Variants in EEPD1 observed in about 807,000 individuals in gnomAD.
The protein encoded by EEPD1 is endonuclease/exonuclease/phosphatase family domain-containing protein 1.
In EEPD1, 17 loss-of-function variants were observed where a neutral mutation model predicts 46.3. The observed-to-expected ratio is 0.37, with a 90% CI of 0.25 to 0.55. EEPD1 has a LOEUF of 0.55. EEPD1 is among the 20% of genes least tolerant of loss of function. The pLI, the probability that EEPD1 is intolerant of heterozygous loss-of-function variation, is 0.83. For missense variants in EEPD1, 673 were observed against 745.6 expected, an observed-to-expected ratio of 0.90 and a Z score of 1.13; for synonymous variants, 313 against 315.6, an observed-to-expected ratio of 0.99 and a Z score of 0.09.
chr7:36,175,452 A>T (rs748875096), intron 2 of EEPD1, among the ~76,000 whole-genome samples: 1 of 151,942 alleles, frequency 6.6e-6, no homozygotes, highest in Non-Finnish European at 1.5e-5. Flanking sequence ...GGCTGGTCTC[A>T]AACTCCTGGG....
intron 2 of EEPD1, among the ~76,000 whole-genome samples, chr7:36,205,098 T>C (rs1200054455): frequency 6.6e-6 from 1 of 152,192 alleles, no homozygotes; most frequent in Non-Finnish European, 1.5e-5. Flanking sequence ...CGCTGACTTT[T>C]AGCAGGGAAG....
At chr7:36,286,965 A>G (rs196592) in intron 5 of EEPD1, among the ~76,000 whole-genome samples, 11,194 of 152,132 alleles carry the variant, frequency 0.074, 576 homozygotes, top group Non-Finnish European at 0.11. Flanking sequence ...GCTCATGCCT[A>G]TAATCCCAGA....
At chr7:36,295,519 T>C (rs1055687361) in intron 6 of EEPD1, among the ~76,000 whole-genome samples, 16 of 151,818 alleles carry the variant, frequency 1.1e-4, no homozygotes, top group African/African-American at 3.4e-4. Flanking sequence ...GTAGATACTC[T>C]AGCCTAAAGG....
intron 6 of EEPD1, among the ~76,000 whole-genome samples, chr7:36,291,137 A>C (rs982849806): frequency 6.6e-6 from 1 of 152,356 alleles, no homozygotes; most frequent in African/African-American, 2.4e-5. Context: ...GCAGGCCTGC[A>C]TCCCAACGAA....
At chr7:36,215,381 C>T (rs74454602) in intron 2 of EEPD1, among the ~76,000 whole-genome samples, 10,012 of 152,312 alleles carry the variant, frequency 0.066, 460 homozygotes, top group Middle Eastern at 0.14. Flanking sequence ...AACCTTTTAA[C>T]TGCAGCTCTC....
intron 3 of EEPD1, among the ~76,000 whole-genome samples, chr7:36,240,699 C>T (rs948255655): frequency 6.6e-6 from 1 of 152,146 alleles, no homozygotes; most frequent in African/African-American, 2.4e-5. Context: ...TGATAATTGG[C>T]TTGTGATCAT....
At chr7:36,182,753 A>G (rs1386116204) in intron 2 of EEPD1, among the ~76,000 whole-genome samples, 1 of 152,258 alleles carries the variant, frequency 6.6e-6, no homozygotes, top group African/African-American at 2.4e-5. Flanking sequence ...AAACGGAAGC[A>G]GAGCAGAGGG....
intron 3 of EEPD1, among the ~76,000 whole-genome samples, chr7:36,243,790 C>T (rs1384769542): frequency 6.6e-6 from 1 of 151,330 alleles, no homozygotes; most frequent in South Asian, 2.1e-4. Flanking sequence ...AGTAAACTAT[C>T]GCAAGGACAA....
chr7:36,161,081 AC>A (rs1417158278), intron 2 of EEPD1, among the ~76,000 whole-genome samples: 1 of 152,172 alleles, frequency 6.6e-6, no homozygotes, highest in Non-Finnish European at 1.5e-5. Flanking sequence ...GGGGCATCTG[AC>A]AAGGCCACAT....
intron 3 of EEPD1, among the ~76,000 whole-genome samples, chr7:36,276,925 T>C (rs1185041112): frequency 6.6e-6 from 1 of 152,254 alleles, no homozygotes; most frequent in African/African-American, 2.4e-5. Flanking sequence ...CTGGGACACT[T>C]TGTGATGAAC....
At chr7:36,212,130 A>C (rs919191465) in intron 2 of EEPD1, among the ~76,000 whole-genome samples, 28 of 152,224 alleles carry the variant, frequency 1.8e-4, no homozygotes, top group African/African-American at 6.8e-4. Context: ...GCACAGAAGA[A>C]ATACATGCAG....
At chr7:36,197,408 A>T (rs1785624054) in intron 2 of EEPD1, among the ~76,000 whole-genome samples, 1 of 152,172 alleles carries the variant, frequency 6.6e-6, no homozygotes, top group Non-Finnish European at 1.5e-5. Flanking sequence ...CCCGTCTGGG[A>T]GGTGTACCCA....
intron 3 of EEPD1, among the ~76,000 whole-genome samples, chr7:36,263,964 T>C (rs1786972615): frequency 6.6e-6 from 1 of 152,238 alleles, no homozygotes; most frequent in Admixed American, 6.5e-5. Flanking sequence ...AGGGACATTT[T>C]TGATGGTTTC....
intron 3 of EEPD1, among the ~76,000 whole-genome samples, chr7:36,246,868 G>A (rs936777778): frequency 6.6e-6 from 1 of 152,136 alleles, no homozygotes; most frequent in African/African-American, 2.4e-5. Flanking sequence ...TCTCACGCCT[G>A]TAATCCCAGC....
In EEPD1 at chr7:36,192,037, A is replaced by G. The variant is rs866586255; in HGVS notation, c.878+36835A>G. Among the ~76,000 whole-genome samples, 68 of 152,340 alleles carry G rather than the reference A, an allele frequency of 4.5e-4. No individual in the cohort carries two copies. In the Middle Eastern group the frequency reaches 0.01, roughly 23 times the overall value. ...ACTCTTTCCGCGTTGTCGAAACCCC[A>G]TAGGTTAAAATGTCTCATCTGTGTG... is the stretch of plus-strand genomic sequence containing the variant. On this transcript the variant is annotated intron_variant, in intron 2 of 7. Coordinates refer to ENST00000242108, the MANE Select transcript of EEPD1 (RefSeq NM_030636.3).
chr7:36,254,301 C>G (rs762143597), intron 3 of EEPD1, among the ~76,000 whole-genome samples: 5 of 152,100 alleles, frequency 3.3e-5, no homozygotes, highest in Non-Finnish European at 5.9e-5. Context: ...CTGACAGGCC[C>G]CAGTATGTGA....
chr7:36,230,781 C>T (rs1427307508), intron 2 of EEPD1: 1 of 152,240 alleles, frequency 6.6e-6, no homozygotes, highest in Non-Finnish European at 1.5e-5. Context: ...GCTGCTTTTG[C>T]TCATCAGTGT....
chr7:36,236,966 C>CT (rs1451501235), intron 2 of EEPD1, among the ~76,000 whole-genome samples: 4 of 152,246 alleles, frequency 2.6e-5, no homozygotes, highest in Non-Finnish European at 5.9e-5. Flanking sequence ...AAGCTTCGTT[C>CT]TTTTGCTCTT....
intron 2 of EEPD1, among the ~76,000 whole-genome samples, chr7:36,171,439 A>G (rs1297311588): frequency 6.6e-6 from 1 of 152,252 alleles, no homozygotes; most frequent in Non-Finnish European, 1.5e-5. Context: ...CAACTCCAGC[A>G]GTAAGTCAGA....
Sources: allele counts gnomAD v4.1 joint callset (sites outside exome capture counted in the v4.1 genomes callset), GRCh38; gene constraint gnomAD v4.1.1; transcripts MANE v1.5; gene names NCBI Gene and HGNC (gene_info 2026-07-23, HGNC 2026-07-21).